The following RABEPK variants were observed in gnomAD, a reference collection of about 807,000 sequenced individuals.
RABEPK encodes 40 kDa Rab9 effector protein.
Under a neutral mutation model 34.1 loss-of-function variants are expected in RABEPK, and 27 were observed. The ratio of observed to expected loss-of-function variants is 0.79; its 90% CI spans 0.58 to 1.09. The LOEUF is 1.09. Among genes scored for constraint, RABEPK ranks in the 50% least tolerant of loss-of-function variants. RABEPK has a pLI of 0.00. For missense variants in RABEPK, 449 were observed against 462.6 expected (o/e 0.97, Z 0.27); for synonymous variants, 172 against 169.2 (o/e 1.02, Z -0.13).
At chr9:125,218,034 C>A (rs953902229) in intron 4 of RABEPK, among the ~76,000 whole-genome samples, 1 of 151,808 alleles carries the variant, frequency 6.6e-6, no homozygotes, top group Non-Finnish European at 1.5e-5. Flanking sequence ...AGTTCAGGCC[C>A]GGCGCGGTAG....
chr9:125,220,332 A>G, intron 4 of RABEPK: 2 of 1,443,254 alleles, frequency 1.4e-6, no homozygotes, highest in South Asian at 3.2e-5. Flanking sequence ...TACAGCTTTT[A>G]AATCTTGGGG....
chr9:125,215,055 G>T (rs1295103253), intron 4 of RABEPK, among the ~76,000 whole-genome samples: 1 of 151,974 alleles, frequency 6.6e-6, no homozygotes, highest in Non-Finnish European at 1.5e-5. Context: ...CTCCCAAAAT[G>T]CTGGGATTAC....
At chr9:125,231,386 G>T (rs953033943) in intron 6 of RABEPK, among the ~76,000 whole-genome samples, 1 of 152,166 alleles carries the variant, frequency 6.6e-6, no homozygotes, top group Non-Finnish European at 1.5e-5. Context: ...ATCGTGTAGA[G>T]ATTTTGGAGA....
intron 5 of RABEPK, 103 bp from the exon 6 acceptor site, chr9:125,227,807 G>A: frequency 8.5e-7 from 1 of 1,173,658 alleles, no homozygotes; most frequent in Non-Finnish European, 1.2e-6. Flanking sequence ...TTCCTGCATG[G>A]GACAGCTCCG....
Position 125,223,281 on chromosome 9 carries a change from T to C in RABEPK, c.526+2581T>C, listed in dbSNP as rs538389324. ...GGTGAAACCCTGTCTCTACTAAAAATACAAAAAATTAGCTGGACGTGGTGG... is the reference window on the plus strand; with the variant it reads ...GGTGAAACCCTGTCTCTACTAAAAACACAAAAAATTAGCTGGACGTGGTGG... On this transcript the variant is annotated intron_variant, in intron 5 of 7. Coordinates refer to ENST00000373538, the MANE Select transcript of RABEPK (RefSeq NM_005833.4). Among the ~76,000 whole-genome samples, 14 of 151,442 alleles carry C rather than the reference T, an allele frequency of 9.2e-5. 1 individual carries two copies. The South Asian group carries it at 2.9e-3, about 32-fold the overall frequency.
At chr9:125,233,559 G>A in intron 7 of RABEPK, 129 bp from the exon 8 acceptor site, 1 of 911,040 alleles carries the variant, frequency 1.1e-6, no homozygotes, top group Non-Finnish European at 1.7e-6. Flanking sequence ...AGCCAGGATG[G>A]TCTCCATCTC....
chr9:125,226,691 G>A (rs541206238), intron 5 of RABEPK, among the ~76,000 whole-genome samples: 85 of 151,132 alleles, frequency 5.6e-4, no homozygotes, highest in African/African-American at 1.8e-3. Flanking sequence ...TGGTGATACC[G>A]CGTCTCAATT....
intron 3 of RABEPK, among the ~76,000 whole-genome samples, chr9:125,208,676 C>T (rs775834215): frequency 6.6e-6 from 1 of 151,978 alleles, no homozygotes; most frequent in South Asian, 2.1e-4. Context: ...GCTGGGATTA[C>T]AGGCGCCCAC....
chr9:125,206,251 C>T (rs937879476), intron 2 of RABEPK, among the ~76,000 whole-genome samples: 1 of 152,106 alleles, frequency 6.6e-6, no homozygotes, highest in Non-Finnish European at 1.5e-5. Flanking sequence ...GGGCGCGTCC[C>T]TAGCACTTAG....
At chr9:125,225,396 A>G (rs1005631878) in intron 5 of RABEPK, among the ~76,000 whole-genome samples, 1 of 150,752 alleles carries the variant, frequency 6.6e-6, no homozygotes, top group Non-Finnish European at 1.5e-5. Flanking sequence ...TCAAAAAAAA[A>G]AAAATGGCTG....
intron 4 of RABEPK, among the ~76,000 whole-genome samples, chr9:125,217,107 A>G (rs952424061): frequency 1.3e-5 from 2 of 152,166 alleles, no homozygotes; most frequent in African/African-American, 4.8e-5. Context: ...TTTGCTATGC[A>G]CTAACTATGA....
intron 5 of RABEPK, 55 bp downstream of exon 5, chr9:125,220,755 A>C: frequency 6.5e-7 from 1 of 1,542,010 alleles, no homozygotes; most frequent in Non-Finnish European, 8.8e-7. Context: ...TTTACACATT[A>C]CCTAATATAG....
Position 125,229,856 on chromosome 9 carries a change from C to T in RABEPK, c.676+1797C>T, listed in dbSNP as rs1040118825. 5.9e-5 allele frequency among the ~76,000 whole-genome samples: 9 copies of T among 152,200 alleles called. 1 individual carries two copies. In the South Asian group the frequency reaches 1.9e-3, roughly 32 times the overall value. On this transcript the variant is annotated intron_variant, in intron 6 of 7. Transcript: ENST00000373538. ...GCTGTGGAGAGACCCTGGACTCATT[C>T]TGGGCAATTCCTTCAAGCTGTGAGG...
At chr9:125,219,529 G>A (rs149924580) in intron 4 of RABEPK, among the ~76,000 whole-genome samples, 3,085 of 151,832 alleles carry the variant, frequency 0.02, 49 homozygotes, top group Non-Finnish European at 0.027. Context: ...GAGTAGCTGG[G>A]ATTATAGGTC....
chr9:125,207,453 G>A (rs2131372627), intron 2 of RABEPK, 111 bp from the exon 3 acceptor site: 2 of 1,128,476 alleles, frequency 1.8e-6, no homozygotes, highest in Non-Finnish European at 1.3e-6. Flanking sequence ...ACAATTTAAA[G>A]TGTCTGCATA....
chr9:125,231,847 C>T (rs1305505498), intron 6 of RABEPK, among the ~76,000 whole-genome samples: 1 of 149,692 alleles, frequency 6.7e-6, no homozygotes, highest in Non-Finnish European at 1.5e-5. Context: ...ATTAAGTGAG[C>T]AAAATTTGTT....
In RABEPK at chr9:125,218,840, C is replaced by T. The variant is rs547951995; in HGVS notation, c.365-1699C>T. ...GCTGCAGGCTCAGTATATCCTCCCA[C>T]CTAAGCTTCTCAGGTAGCTGGGACT... On this transcript the variant is annotated intron_variant, in intron 4 of 7. Transcript: ENST00000373538. 9.2e-5 allele frequency among the ~76,000 whole-genome samples: 14 copies of T among 152,272 alleles called. No homozygotes were observed. In the South Asian group the frequency reaches 2.9e-3, roughly 32 times the overall value.
At chr9:125,232,243 C>CAG (rs1190542056) in intron 6 of RABEPK, among the ~76,000 whole-genome samples, 1,639 of 108,700 alleles carry the variant, frequency 0.015, 39 homozygotes, top group African/African-American at 0.045. Context: ...CACACACACA[C>CAG]ACAGAGACAG....
chr9:125,216,045 C>T (rs934252339), intron 4 of RABEPK, among the ~76,000 whole-genome samples: 43 of 152,156 alleles, frequency 2.8e-4, no homozygotes, highest in African/African-American at 1.0e-3. Flanking sequence ...GTAATCCCAG[C>T]ACTTTGGGAG....
Sources: allele counts gnomAD v4.1 joint callset (sites outside exome capture counted in the v4.1 genomes callset), GRCh38; gene constraint gnomAD v4.1.1; transcripts MANE v1.5; gene names NCBI Gene and HGNC (gene_info 2026-07-23, HGNC 2026-07-21).